F13A1: variants seen among roughly 807,000 people sequenced by gnomAD.
The protein encoded by F13A1 is FSF, A subunit.
A neutral mutation model predicts 80.1 loss-of-function variants in F13A1; 47 were observed. The observed-to-expected ratio is 0.59, with a 90% CI of 0.46 to 0.75. F13A1 has a LOEUF of 0.75. Ranked by LOEUF, F13A1 falls within the 30% of genes least tolerant of loss-of-function variation. F13A1 has a pLI of 0.00. For synonymous variants in F13A1, 349 were observed against 344.9 expected (o/e 1.01, Z -0.13); for missense variants, 817 against 930.4 (o/e 0.88, Z 1.59).
chr6:6,203,487 A>G (rs1761434846), intron 8 of F13A1, among the ~76,000 whole-genome samples: 1 of 152,248 alleles, frequency 6.6e-6, no homozygotes, highest in Non-Finnish European at 1.5e-5. Context: ...GATTCAAAGC[A>G]GCAGAGACAT....
At chr6:6,295,275 G>A (rs1349914288) in intron 3 of F13A1, among the ~76,000 whole-genome samples, 1 of 148,444 alleles carries the variant, frequency 6.7e-6, no homozygotes, top group African/African-American at 2.6e-5. Flanking sequence ...TGGGATGGCT[G>A]GGTCAAATGG....
At chr6:6,197,427 C>T (rs1761311287) in intron 8 of F13A1, 101 bp from the exon 9 acceptor site, 5 of 1,163,428 alleles carry the variant, frequency 4.3e-6, no homozygotes, top group Non-Finnish European at 6.3e-6. Context: ...TGCCTGTAAT[C>T]CCAGCAATTT....
At chr6:6,183,334 G>C (rs1761021760) in intron 10 of F13A1, among the ~76,000 whole-genome samples, 1 of 152,212 alleles carries the variant, frequency 6.6e-6, no homozygotes, top group Non-Finnish European at 1.5e-5. Context: ...GTCTGGCATA[G>C]AGTAAATGCT....
At chr6:6,303,269 T>G (rs1758461723) in intron 3 of F13A1, among the ~76,000 whole-genome samples, 1 of 152,206 alleles carries the variant, frequency 6.6e-6, no homozygotes, top group Non-Finnish European at 1.5e-5. Context: ...TTATTTCAAA[T>G]GAACTTTAAG....
chr6:6,224,812 T>C lies in F13A1; in HGVS notation c.847A>G (p.Ile283Val). The change falls in exon 7 of 15, where the codon ATC (isoleucine) becomes GTC (valine). Residue 283 changes from isoleucine to valine, a missense_variant. Physicochemically the swap from Ile to Val is conservative, Grantham distance 29. Transcript: ENST00000264870. ...EGVLVGSWDN[I>V]YAYGVPPSAW... ...GATGGGGGGACGCCATAGGCATAGA[T>C]ATTGTCCCAGGATCCAACGAGGACA... The C allele has an allele frequency of 6.2e-7, 1 of 1,614,054 alleles. No individual in the cohort carries two copies. The highest frequency in any genetic ancestry group is 8.5e-7 in the Non-Finnish European group (1 of 1,179,950).
At chr6:6,168,632 C>T (rs1353628234) in intron 12 of F13A1, among the ~76,000 whole-genome samples, 4 of 152,354 alleles carry the variant, frequency 2.6e-5, no homozygotes, top group Non-Finnish European at 5.9e-5. Context: ...TTACTGCTTT[C>T]CTTCTCAGTT....
chr6:6,148,365 T>C (rs577527291), intron 14 of F13A1, among the ~76,000 whole-genome samples: 59 of 152,282 alleles, frequency 3.9e-4, no homozygotes, highest in Middle Eastern at 6.8e-3. Flanking sequence ...ATTCCCTGTT[T>C]ACCAGCTCCT....
intron 3 of F13A1, among the ~76,000 whole-genome samples, chr6:6,281,993 C>CA (rs10584369): frequency 0.078 from 7,287 of 93,124 alleles, 434 homozygotes; most frequent in Admixed American, 0.11. Flanking sequence ...GACTCCGTCT[C>CA]AAAAAAAAAA....
chr6:6,231,714 T>C (rs1006012881), intron 6 of F13A1, among the ~76,000 whole-genome samples: 16 of 152,164 alleles, frequency 1.1e-4, no homozygotes, highest in Admixed American at 9.8e-4. Flanking sequence ...ACCTATCAGA[T>C]GAACAGCAAA....
At chr6:6,226,787 G>A (rs981801162) in intron 6 of F13A1, among the ~76,000 whole-genome samples, 3 of 152,204 alleles carry the variant, frequency 2.0e-5, no homozygotes, top group Non-Finnish European at 4.4e-5. Context: ...GTAAGAATAA[G>A]ACCTTATGCC....
rs888138572 is a variant in F13A1 at position 6,204,446 on chromosome 6, A to C, written c.1113-7120T>G. 2.0e-5 allele frequency among the ~76,000 whole-genome samples: 3 copies of C among 152,358 alleles called. No homozygotes were observed. In the East Asian group the frequency reaches 5.8e-4, roughly 29 times the overall value. On this transcript the variant is annotated intron_variant, in intron 8 of 14. Transcript: ENST00000264870. ...AGGGGGTGAAAGAAAGGCACTGTCT[A>C]TCTTGCAAATCATTTGTGTATTTGT... is the stretch of plus-strand genomic sequence containing the variant.
chr6:6,233,447 T>C (rs1364282610), intron 6 of F13A1, among the ~76,000 whole-genome samples: 3 of 152,020 alleles, frequency 2.0e-5, no homozygotes, highest in Non-Finnish European at 2.9e-5. Flanking sequence ...GAGATTGAAA[T>C]GGTAATTAAA....
At chr6:6,210,310 A>AT (rs1217626255) in intron 8 of F13A1, among the ~76,000 whole-genome samples, 2 of 78,480 alleles carry the variant, frequency 2.5e-5, no homozygotes, top group Non-Finnish European at 5.2e-5. Context: ...AATTTTGTAA[A>AT]TTTTGTAGCA....
chr6:6,235,466 C>A (rs1182175875), intron 6 of F13A1, among the ~76,000 whole-genome samples: 3 of 151,836 alleles, frequency 2.0e-5, no homozygotes, highest in African/African-American at 7.3e-5. Flanking sequence ...AACCTTAAAA[C>A]AAGAGAAAAA....
Position 6,186,836 on chromosome 6 carries a change from T to C in F13A1, c.1306-4695A>G, listed in dbSNP as rs530933938. ...GGGCAGTATGGCCATTTTCACGATA[T>C]TGATTCTTCCTACCCATGAGCATGG... is the stretch of plus-strand genomic sequence containing the variant. On this transcript the variant is annotated intron_variant, in intron 10 of 14. Coordinates refer to ENST00000264870, the MANE Select transcript of F13A1 (RefSeq NM_000129.4). 2.7e-5 allele frequency among the ~76,000 whole-genome samples: 4 copies of C among 150,940 alleles called. No individual in the cohort carries two copies. In the East Asian group the frequency reaches 7.8e-4, roughly 29 times the overall value.
chr6:6,268,239 T>G (rs1757872336), intron 3 of F13A1, among the ~76,000 whole-genome samples: 1 of 152,222 alleles, frequency 6.6e-6, no homozygotes, highest in East Asian at 1.9e-4. Context: ...GAGCTGATAT[T>G]CCACAGAAAA....
chr6:6,274,353 G>T (rs1757959951), intron 3 of F13A1, among the ~76,000 whole-genome samples: 1 of 152,172 alleles, frequency 6.6e-6, no homozygotes, highest in African/African-American at 2.4e-5. Context: ...GCGTAATTTT[G>T]TGGGATATAC....
chr6:6,298,853 T>G (rs1758374297), intron 3 of F13A1, among the ~76,000 whole-genome samples: 1 of 149,312 alleles, frequency 6.7e-6, no homozygotes. Flanking sequence ...TTGATGGTCT[T>G]TACATTTTGG....
At chr6:6,237,078 T>C (rs150726712) in intron 6 of F13A1, among the ~76,000 whole-genome samples, 2 of 152,150 alleles carry the variant, frequency 1.3e-5, no homozygotes, top group Admixed American at 1.3e-4. Flanking sequence ...AAGGCTGCAG[T>C]CACCACCTTT....
Sources: gnomAD v4.1 joint callset for allele counts (sites outside exome capture counted in the v4.1 genomes callset) on GRCh38, gnomAD v4.1.1 for gene constraint, MANE v1.5 for transcripts, NCBI Gene and HGNC (gene_info 2026-07-23, HGNC 2026-07-21) for gene names.